Variants in ZNF804A observed in about 807,000 individuals in gnomAD.
ZNF804A encodes zinc finger protein 804A.
In ZNF804A, 2 loss-of-function variants were observed where a neutral mutation model predicts 16.5. The observed-to-expected ratio is 0.12, with a 90% CI of 0.05 to 0.38. The LOEUF (loss-of-function observed/expected upper bound fraction) is 0.38. ZNF804A is among the 10% of genes least tolerant of loss of function. The pLI is 0.99. For synonymous variants in ZNF804A, 534 were observed against 489.6 expected (o/e 1.09, Z -1.20); for missense variants, 1,473 against 1,390.7 (o/e 1.06, Z -0.94).
intron 1 of ZNF804A, among the ~76,000 whole-genome samples, chr2:184,653,655 G>T (rs944970657): frequency 6.6e-6 from 1 of 152,178 alleles, no homozygotes; most frequent in African/African-American, 2.4e-5. Context: ...TTCTTCCAAT[G>T]GGGTGGGCTG....
At chr2:184,788,281 C>T (rs1001997805) in intron 1 of ZNF804A, among the ~76,000 whole-genome samples, 2 of 151,950 alleles carry the variant, frequency 1.3e-5, no homozygotes, top group Non-Finnish European at 2.9e-5. Context: ...GTGATACCTT[C>T]AAATTTGTTC....
At chr2:184,871,474 A>C (rs1351106335) in intron 2 of ZNF804A, among the ~76,000 whole-genome samples, 1 of 151,642 alleles carries the variant, frequency 6.6e-6, no homozygotes, top group Non-Finnish European at 1.5e-5. Context: ...ATTATTAACA[A>C]AATAGGAATT....
At chr2:184,718,761 C>T (rs1693253119) in intron 1 of ZNF804A, among the ~76,000 whole-genome samples, 1 of 152,146 alleles carries the variant, frequency 6.6e-6, no homozygotes, top group African/African-American at 2.4e-5. Context: ...TGTGACTTTG[C>T]AAGGTATAGC....
chr2:184,895,744 T>C (rs984078965), intron 2 of ZNF804A, among the ~76,000 whole-genome samples: 1 of 152,236 alleles, frequency 6.6e-6, no homozygotes, highest in African/African-American at 2.4e-5. Context: ...TTTTCTTTTG[T>C]TTTCAAATTT....
At chr2:184,646,860 C>G (rs1304410955) in intron 1 of ZNF804A, among the ~76,000 whole-genome samples, 7 of 152,226 alleles carry the variant, frequency 4.6e-5, no homozygotes, top group African/African-American at 7.2e-5. Context: ...ATCAGAGGAC[C>G]TGTCGGCAGA....
chr2:184,632,537 AG>A lies in ZNF804A; in HGVS notation c.111+33471del, dbSNP rs202125806. ...CAGCCTCCTGAGTATCTGGGATTAC[AG>A]GGGCGTGCCACCACGCCTGGCTAAT... On this transcript the variant is annotated intron_variant, in intron 1 of 3. Coordinates refer to ENST00000302277, the MANE Select transcript of ZNF804A (RefSeq NM_194250.2). Among the ~76,000 whole-genome samples the A allele has an allele frequency of 1.2e-4, 19 of 152,284 alleles. No individual in the cohort carries two copies. In the East Asian group the frequency reaches 2.9e-3, roughly 23 times the overall value.
intron 1 of ZNF804A, among the ~76,000 whole-genome samples, chr2:184,715,485 A>G (rs1011503975): frequency 2.6e-5 from 4 of 152,106 alleles, no homozygotes; most frequent in Non-Finnish European, 4.4e-5. Flanking sequence ...TTCTGGGCTC[A>G]AGTGATCCTC....
chr2:184,827,209 G>A (rs1451597847), intron 1 of ZNF804A, among the ~76,000 whole-genome samples: 1 of 151,002 alleles, frequency 6.6e-6, no homozygotes, highest in African/African-American at 2.4e-5. Context: ...TAGTTGATCT[G>A]GTTCTATTAT....
At chr2:184,802,873 G>A (rs536772987) in intron 1 of ZNF804A, among the ~76,000 whole-genome samples, 1 of 152,110 alleles carries the variant, frequency 6.6e-6, no homozygotes, top group African/African-American at 2.4e-5. Flanking sequence ...TCAAAAGGAT[G>A]AACTTTGTAC....
chr2:184,861,458 G>A (rs1695798786), intron 1 of ZNF804A, among the ~76,000 whole-genome samples: 1 of 152,054 alleles, frequency 6.6e-6, no homozygotes, highest in Non-Finnish European at 1.5e-5. Flanking sequence ...CCATCATCTT[G>A]CTGACATTGA....
intron 2 of ZNF804A, among the ~76,000 whole-genome samples, chr2:184,926,277 A>G (rs547641802): frequency 9.9e-6 from 1 of 100,912 alleles, no homozygotes; most frequent in South Asian, 3.0e-4. Context: ...TTACTATTCT[A>G]GGGTAAATTT....
chr2:184,640,851 CACAATTT>C (rs1367815494), intron 1 of ZNF804A, among the ~76,000 whole-genome samples: 2 of 152,142 alleles, frequency 1.3e-5, no homozygotes, highest in Non-Finnish European at 2.9e-5. Flanking sequence ...ATGAAAAATC[CACAATTT>C]ACATCGTACT....
intron 1 of ZNF804A, among the ~76,000 whole-genome samples, chr2:184,611,710 T>A (rs1162504777): frequency 6.6e-6 from 1 of 152,170 alleles, no homozygotes; most frequent in Non-Finnish European, 1.5e-5. Context: ...ACAGGCATAG[T>A]AATCAACCAT....
In ZNF804A at chr2:184,839,232, C is replaced by T. The variant is rs1458092830; in HGVS notation, c.112-27137C>T. The stretch of plus-strand genomic sequence containing the variant: ...TATGTATGTGTGTATGTAATTTAAA[C>T]AAATGATGTCATGCTACATGTATAC... On this transcript the variant is annotated intron_variant, in intron 1 of 3. Transcript: ENST00000302277. Among the ~76,000 whole-genome samples, 3 of 152,096 alleles carry T rather than the reference C, an allele frequency of 2.0e-5. No homozygotes were observed. In the East Asian group the frequency reaches 5.8e-4, roughly 29 times the overall value.
intron 1 of ZNF804A, among the ~76,000 whole-genome samples, chr2:184,665,750 G>C (rs1181518029): frequency 6.6e-6 from 1 of 152,194 alleles, no homozygotes; most frequent in Non-Finnish European, 1.5e-5. Context: ...CTTGTTGACA[G>C]GCCCCTGGGG....
chr2:184,877,495 T>G (rs1383487093), intron 2 of ZNF804A, among the ~76,000 whole-genome samples: 1 of 152,056 alleles, frequency 6.6e-6, no homozygotes, highest in Non-Finnish European at 1.5e-5. Context: ...CCTTAAATTA[T>G]CTGCTGAAAG....
At chr2:184,711,934 C>G (rs889926821) in intron 1 of ZNF804A, among the ~76,000 whole-genome samples, 3 of 151,408 alleles carry the variant, frequency 2.0e-5, no homozygotes, top group African/African-American at 7.3e-5. Context: ...TTTTGTTGTT[C>G]TTAAGATTGA....
chr2:184,871,314 G>A (rs1695970750), intron 2 of ZNF804A, among the ~76,000 whole-genome samples: 1 of 150,940 alleles, frequency 6.6e-6, no homozygotes, highest in African/African-American at 2.4e-5. Context: ...TGTAACCTGG[G>A]AAGTGAACTG....
chr2:184,629,413 A>G (rs1305505612), intron 1 of ZNF804A, among the ~76,000 whole-genome samples: 1 of 152,146 alleles, frequency 6.6e-6, no homozygotes, highest in Non-Finnish European at 1.5e-5. Flanking sequence ...GATAAAATCA[A>G]GTTTTCTAAA....
Sources: gnomAD v4.1 joint callset for allele counts (sites outside exome capture counted in the v4.1 genomes callset) on GRCh38, gnomAD v4.1.1 for gene constraint, MANE v1.5 for transcripts, NCBI Gene and HGNC (gene_info 2026-07-23, HGNC 2026-07-21) for gene names.